ULK2: variants seen among roughly 807,000 people sequenced by gnomAD.
The protein encoded by ULK2 is unc-51 like autophagy activating kinase 2, also known as serine/threonine-protein kinase ULK2.
Under a neutral mutation model 127.5 loss-of-function variants are expected in ULK2, and 76 were observed. The ratio of observed to expected loss-of-function variants is 0.60; its 90% CI spans 0.50 to 0.72. The LOEUF (loss-of-function observed/expected upper bound fraction) is 0.72, where lower values mean the gene tolerates loss of function less well. ULK2 is among the 30% of genes least tolerant of loss of function. The probability of loss-of-function intolerance (pLI) is 0.00; values close to 1 mark genes in which losing one functional copy is unlikely to be tolerated. For missense variants in ULK2, 1,144 were observed against 1,295.9 expected (o/e 0.88, Z 1.80); for synonymous variants, 452 against 461.9 (o/e 0.98, Z 0.28).
intron 3 of ULK2, among the ~76,000 whole-genome samples, chr17:19,856,676 T>C (rs943665327): frequency 2.0e-5 from 3 of 147,784 alleles, no homozygotes; most frequent in African/African-American, 7.5e-5. Context: ...TTATTTGCTA[T>C]AAAACGAGTT....
rs545684264 is a variant in ULK2 at position 19,800,167 on chromosome 17, T to G, written c.1442-592A>C. On this transcript the variant is annotated intron_variant, in intron 16 of 26. Coordinates refer to ENST00000395544, the MANE Select transcript of ULK2 (RefSeq NM_014683.4). ...CTCCTTCCTGCCCTCCTTTTCCAGG[T>G]GTTGGACCTATGTCTTGGTCTGAGG... 5.8e-4 allele frequency among the ~76,000 whole-genome samples: 88 copies of G among 152,282 alleles called. 1 individual carries two copies. The highest frequency in any genetic ancestry group is 1.1e-3 in the Admixed American group (17 of 15,300).
intron 20 of ULK2, among the ~76,000 whole-genome samples, chr17:19,791,775 T>C (rs754170519): frequency 4.0e-5 from 6 of 150,462 alleles, no homozygotes; most frequent in Non-Finnish European, 2.9e-5. Flanking sequence ...CAAGAATTGC[T>C]TGAACCTGGG....
At chr17:19,855,477 G>A (rs1597817379) in intron 3 of ULK2, among the ~76,000 whole-genome samples, 1 of 151,168 alleles carries the variant, frequency 6.6e-6, no homozygotes, top group Non-Finnish European at 1.5e-5. Flanking sequence ...GCAGGTGCCT[G>A]TAATCCCAGC....
intron 3 of ULK2, among the ~76,000 whole-genome samples, chr17:19,851,906 C>T (rs1379047448): frequency 6.6e-6 from 1 of 151,568 alleles, no homozygotes; most frequent in African/African-American, 2.4e-5. Flanking sequence ...ATTAGCTGGG[C>T]ATGGTGGCAC....
At chr17:19,777,806 C>T (rs2086840299) in intron 25 of ULK2, 90 bp from the exon 26 acceptor site, 42 of 1,447,098 alleles carry the variant, frequency 2.9e-5, no homozygotes, top group Non-Finnish European at 3.7e-5. Context: ...TGGAATCCAC[C>T]TAAAATTAAC....
At chr17:19,824,486 G>C (rs1347705561) in intron 12 of ULK2, among the ~76,000 whole-genome samples, 3 of 135,912 alleles carry the variant, frequency 2.2e-5, no homozygotes, top group South Asian at 5.0e-4. Context: ...CCTAAGAGAA[G>C]AGTGGAGTAG....
chr17:19,787,929 G>A (rs1401917587), intron 20 of ULK2, among the ~76,000 whole-genome samples: 2 of 152,196 alleles, frequency 1.3e-5, no homozygotes, highest in Non-Finnish European at 1.5e-5. Flanking sequence ...GCAGCAATTT[G>A]GGGATTGCAC....
At chr17:19,840,279 A>C (rs1258202094) in intron 9 of ULK2, 7 of 525,848 alleles carry the variant, frequency 1.3e-5, no homozygotes, top group South Asian at 8.5e-5. Flanking sequence ...GCTTCAGTAC[A>C]ACAACCCCAA....
At chr17:19,836,103 C>CT (rs1484084002) in intron 10 of ULK2, among the ~76,000 whole-genome samples, 1 of 142,410 alleles carries the variant, frequency 7.0e-6, no homozygotes, top group African/African-American at 2.6e-5. Flanking sequence ...CCCATCTCTA[C>CT]TAAAAAAAAA....
intron 9 of ULK2, among the ~76,000 whole-genome samples, chr17:19,840,724 A>G (rs1208697384): frequency 6.6e-6 from 1 of 151,566 alleles, no homozygotes. Flanking sequence ...TAAAAAAAAA[A>G]AAAAAAATAC....
chr17:19,851,552 A>C (rs780157681), intron 3 of ULK2, among the ~76,000 whole-genome samples: 10 of 151,736 alleles, frequency 6.6e-5, no homozygotes, highest in South Asian at 2.1e-4. Flanking sequence ...AGGCATGAGA[A>C]TCGCTTGAGC....
intron 3 of ULK2, among the ~76,000 whole-genome samples, chr17:19,856,483 A>G (rs1004390481): frequency 6.6e-5 from 10 of 151,036 alleles, no homozygotes; most frequent in South Asian, 2.1e-4. Flanking sequence ...TCAGGAGGCT[A>G]AGGCAGGAGA....
intron 3 of ULK2, among the ~76,000 whole-genome samples, chr17:19,850,949 T>A (rs1001886673): frequency 1.9e-4 from 29 of 151,640 alleles, no homozygotes; most frequent in African/African-American, 6.3e-4. Flanking sequence ...AAGGCCAAGG[T>A]GGGAGGATCA....
intron 13 of ULK2, among the ~76,000 whole-genome samples, chr17:19,812,919 A>G (rs2087674387): frequency 1.3e-5 from 2 of 152,214 alleles, no homozygotes; most frequent in Admixed American, 1.3e-4. Flanking sequence ...CCACTATAGC[A>G]AAAAACTGTA....
At chr17:19,864,735 G>A (rs531498098) in intron 3 of ULK2, 68 bp downstream of exon 3, 6 of 586,004 alleles carry the variant, frequency 1.0e-5, no homozygotes, top group Non-Finnish European at 1.6e-5. Flanking sequence ...TCTATTAAGA[G>A]TCACTTAAAT....
intron 14 of ULK2, among the ~76,000 whole-genome samples, chr17:19,809,729 T>C (rs1423693543): frequency 1.1e-4 from 5 of 47,298 alleles, no homozygotes; most frequent in Non-Finnish European, 1.6e-4. Context: ...CGAGACTCCG[T>C]CTCAAAAAAA....
At chr17:19,810,277 A>C in intron 14 of ULK2, 101 bp downstream of exon 14, 1 of 778,596 alleles carries the variant, frequency 1.3e-6, no homozygotes. Flanking sequence ...ATGGACTGTA[A>C]AACAAAATAA....
chr17:19,824,927 G>A (rs184015825), intron 12 of ULK2, among the ~76,000 whole-genome samples, 167 bp downstream of exon 12: 131 of 152,290 alleles, frequency 8.6e-4, no homozygotes, highest in Middle Eastern at 3.4e-3. Context: ...ACAGAGGCCC[G>A]AATGCAGGTC....
intron 14 of ULK2, 120 bp downstream of exon 14, chr17:19,810,257 AC>A: frequency 9.8e-6 from 4 of 406,278 alleles, no homozygotes; most frequent in South Asian, 9.0e-5. Flanking sequence ...AAAAAAAAAA[AC>A]CAGAAATAAT....
Sources: allele counts gnomAD v4.1 joint callset (sites outside exome capture counted in the v4.1 genomes callset), GRCh38; gene constraint gnomAD v4.1.1; transcripts MANE v1.5; gene names NCBI Gene and HGNC (gene_info 2026-07-23, HGNC 2026-07-21).